Variants in OTOR observed in about 807,000 individuals in gnomAD.
OTOR encodes otoraplin, also known as fibrocyte-derived protein.
In OTOR, 20 loss-of-function variants were observed where a neutral mutation model predicts 15.9. The observed-to-expected ratio is 1.26, with a 90% CI of 0.89 to 1.83. The LOEUF is 1.83. Among genes scored for constraint, OTOR ranks in the 40% most tolerant of loss-of-function variants. OTOR has a pLI of 0.00. For missense variants in OTOR, 184 were observed against 159.0 expected, an observed-to-expected ratio of 1.16 and a Z score of -0.85; for synonymous variants, 53 against 54.2, an observed-to-expected ratio of 0.98 and a Z score of 0.09.
At position 16,748,978 on chromosome 20, in the gene OTOR, A is replaced by G. The variant is rs1450708333; in HGVS notation, c.227A>G (p.Asn76Ser). 21 of 1,604,820 alleles carry G rather than the reference A, an allele frequency of 1.3e-5. 1 individual carries two copies. In the South Asian group the frequency reaches 2.3e-4, roughly 18 times the overall value. The change falls in exon 2 of 4, where the codon AAT becomes AGT. Residue 76 changes from asparagine to serine, a missense_variant. By Grantham distance (46) the Asn-to-Ser change is conservative. Coordinates refer to ENST00000246081, the MANE Select transcript of OTOR (RefSeq NM_020157.4). ...IYVYSKLVKE[N>S]GAGEFWAGSV... The stretch of plus-strand genomic sequence containing the variant: ...GTGTACTCAAAGCTGGTAAAAGAAA[A>G]TGGAGCTGGAGAATTTTGGGCTGGC...
rs1029510399 is a variant in OTOR, at chr20:16,751,313, T to C, written c.*195T>C. On this transcript the variant is annotated 3_prime_UTR_variant, in exon 4 of 4. Coordinates refer to ENST00000246081, the MANE Select transcript of OTOR (RefSeq NM_020157.4). Reference sequence around the variant, plus strand: ...ACTCAAATCTTGTTTCCTGCTGGCCTGGTCTGCCCACGAGCTAGAGCGGGG... The same window carrying C: ...ACTCAAATCTTGTTTCCTGCTGGCCCGGTCTGCCCACGAGCTAGAGCGGGG... 18 of 554,454 alleles carry C rather than the reference T, an allele frequency of 3.2e-5. No homozygotes were observed. In the East Asian group the frequency reaches 5.2e-4, roughly 16 times the overall value. The allele number at this position is 554,454 out of a possible 1,614,324, so 34.3% of individuals were successfully genotyped here.
chr20:16,750,104 G>T, intron 3 of OTOR, 94 bp downstream of exon 3: 1 of 780,168 alleles, frequency 1.3e-6, no homozygotes, highest in South Asian at 1.7e-5. Flanking sequence ...AAGTTGTATA[G>T]AACAAAGCCT....
chr20:16,751,050 C>T (rs756257674), intron 3 of OTOR, 45 bp from the exon 4 acceptor site: 5 of 1,443,492 alleles, frequency 3.5e-6, no homozygotes, highest in Non-Finnish European at 2.8e-6. Flanking sequence ...TTTTTTTAGC[C>T]TAGGCTATTT....
rs777964689 is a variant in OTOR, at chr20:16,748,851, A to AT, written c.116-8dup. ...AGGAGCCTAAAATGTAATCATTTAAATTTTTTTTCTTCCAGATACTATTTC... is the reference window on the plus strand; with the variant it reads ...AGGAGCCTAAAATGTAATCATTTAAATTTTTTTTTCTTCCAGATACTATTTC... On this transcript the variant is annotated splice_polypyrimidine_tract_variant and intron_variant, in intron 1 of 3. Coordinates refer to ENST00000246081, the MANE Select transcript of OTOR (RefSeq NM_020157.4). The AT allele has an allele frequency of 4.9e-5, 76 of 1,549,900 alleles. No homozygotes were observed. The highest frequency in any genetic ancestry group is 6.2e-5 in the Non-Finnish European group (71 of 1,154,400).
In OTOR at chr20:16,751,661, G is replaced by A. The variant is rs1251462696; in HGVS notation, c.*543G>A. 1 of 152,126 alleles carries A rather than the reference G, an allele frequency of 6.6e-6. No individual in the cohort carries two copies. The highest frequency in any genetic ancestry group is 1.5e-5 in the Non-Finnish European group (1 of 68,030). The allele number at this position is 152,126 out of a possible 1,614,324, so 9.4% of individuals were successfully genotyped here. On this transcript the variant is annotated 3_prime_UTR_variant, in exon 4 of 4. Transcript: ENST00000246081. ...AGGTAAAGCTGTTGGGGGAAGAAGA[G>A]TTTTTGGACCCATAGATGTTTGGAT... is the stretch of plus-strand genomic sequence containing the variant.
chr20:16,749,662 T>C (rs532826981), intron 2 of OTOR: 2 of 464,530 alleles, frequency 4.3e-6, no homozygotes, highest in African/African-American at 3.9e-5. Flanking sequence ...TTGCGTAAAA[T>C]AAAGTCATGC....
At position 16,751,148 on chromosome 20, in the gene OTOR, A is replaced by C; in HGVS notation, c.*30A>C. The C allele has an allele frequency of 6.9e-7, 1 of 1,458,864 alleles. No homozygotes were observed. Among genetic ancestry groups the C allele is most frequent in the South Asian group, 1.3e-5 (1 of 78,734 alleles). 90.4% of individuals were successfully genotyped at this position (1,458,864 alleles called of 1,614,324 possible). A position where few individuals can be genotyped will look rare whatever the true frequency, so the allele number is the denominator to read the frequency against. The stretch of plus-strand genomic sequence containing the variant: ...TTAGTTAAAACTGCAAATAGAAAGA[A>C]AACACCAAAAATAAAGAAAAGAGCA... On this transcript the variant is annotated 3_prime_UTR_variant, in exon 4 of 4. Coordinates refer to ENST00000246081, the MANE Select transcript of OTOR (RefSeq NM_020157.4).
At chr20:16,750,882 G>T (rs2072524975) in intron 3 of OTOR, among the ~76,000 whole-genome samples, 1 of 152,196 alleles carries the variant, frequency 6.6e-6, no homozygotes. Context: ...AAATCTGTCA[G>T]ATAACTGCAA....
chr20:16,751,054 G>A, intron 3 of OTOR, 41 bp from the exon 4 acceptor site: 2 of 1,464,424 alleles, frequency 1.4e-6, no homozygotes, highest in African/African-American at 1.4e-5. Flanking sequence ...TTTAGCCTAG[G>A]CTATTTCGTT....
rs1387239282 is a variant in OTOR, at chr20:16,751,857, G to A, written c.*739G>A. ...TAATGGAATAGTTTTCCCTTAATAT[G>A]TATCCTTGCTGGATATTATTCAAGC... On this transcript the variant is annotated 3_prime_UTR_variant, in exon 4 of 4. Transcript: ENST00000246081. 6.6e-6 allele frequency: 1 copy of A among 151,952 alleles called. No homozygotes were observed. Among genetic ancestry groups the A allele is most frequent in the Non-Finnish European group, 1.5e-5 (1 of 68,008 alleles). 9.4% of individuals were successfully genotyped at this position (151,952 alleles called of 1,614,324 possible). A position where few individuals can be genotyped will look rare whatever the true frequency, so the allele number is the denominator to read the frequency against.
At chr20:16,748,735 T>G in intron 1 of OTOR, 132 bp from the exon 2 acceptor site, 1 of 772,942 alleles carries the variant, frequency 1.3e-6, no homozygotes, top group Non-Finnish European at 2.0e-6. Context: ...TTCTTTCTCT[T>G]GGATAGACAC....
At chr20:16,748,839 G>T in intron 1 of OTOR, 28 bp from the exon 2 acceptor site, 1 of 1,533,384 alleles carries the variant, frequency 6.5e-7, no homozygotes, top group Admixed American at 2.2e-5. Flanking sequence ...AGCCTAAAAT[G>T]TAATCATTTA....
At chr20:16,749,660 A>G (rs2072515337) in intron 2 of OTOR, 1 of 464,218 alleles carries the variant, frequency 2.2e-6, no homozygotes, top group Non-Finnish European at 3.8e-6. Context: ...GATTGCGTAA[A>G]ATAAAGTCAT....
intron 3 of OTOR, among the ~76,000 whole-genome samples, chr20:16,750,814 A>G (rs960091795): frequency 6.6e-6 from 1 of 152,206 alleles, no homozygotes; most frequent in Non-Finnish European, 1.5e-5. Context: ...TGTGCTTCAA[A>G]CACTGCTCAT....
Position 16,749,105 on chromosome 20 carries a change from A to G in OTOR, c.255+99A>G, listed in dbSNP as rs567040472. ...TAATGCTTAATACTAGTTGTTAAGA[A>G]CCATGTAGTGATTGTAGATGGAAAT... is the stretch of plus-strand genomic sequence containing the variant. On this transcript the variant is annotated intron_variant, in intron 2 of 3. Transcript: ENST00000246081. The G allele has an allele frequency of 1.3e-5, 10 of 777,782 alleles. No homozygotes were observed. In the South Asian group the frequency reaches 1.8e-4, roughly 14 times the overall value. The allele number at this position is 777,782 out of a possible 1,614,324, so 48.2% of individuals were successfully genotyped here.
At chr20:16,750,967 G>A (rs2072525311) in intron 3 of OTOR, 128 bp from the exon 4 acceptor site, 1 of 690,818 alleles carries the variant, frequency 1.4e-6, no homozygotes, top group African/African-American at 1.9e-5. Flanking sequence ...TATTTTTTGG[G>A]GGTCAACCTT....
At chr20:16,749,585 T>TA (rs139227035) in intron 2 of OTOR, 2 of 272,340 alleles carry the variant, frequency 7.3e-6, no homozygotes, top group Non-Finnish European at 1.4e-5. Context: ...TACAGTACTT[T>TA]AAAAAAATGT....
intron 2 of OTOR, 33 bp from the exon 3 acceptor site, chr20:16,749,869 CT>C: frequency 1.4e-6 from 2 of 1,436,530 alleles, no homozygotes; most frequent in Non-Finnish European, 2.0e-6. Flanking sequence ...TCAGCATCAG[CT>C]TTTTCCTGAT....
intron 1 of OTOR, 81 bp from the exon 2 acceptor site, chr20:16,748,786 G>T: frequency 9.1e-7 from 1 of 1,100,312 alleles, no homozygotes. Flanking sequence ...TGATTTTCTA[G>T]TTTTTCTAAT....
Sources: gnomAD v4.1 joint callset for allele counts (sites outside exome capture counted in the v4.1 genomes callset) on GRCh38, gnomAD v4.1.1 for gene constraint, MANE v1.5 for transcripts, NCBI Gene and HGNC (gene_info 2026-07-23, HGNC 2026-07-21) for gene names.